The following LARGE1 variants were observed in gnomAD, a reference collection of about 807,000 sequenced individuals.
LARGE1 encodes the protein xylosyl- and glucuronyltransferase LARGE1.
LARGE1 carries 43 observed loss-of-function variants against 87.6 expected under a neutral mutation model. That is an observed-to-expected ratio of 0.49 (90% CI 0.38 to 0.63). The LOEUF (loss-of-function observed/expected upper bound fraction) is 0.63. LARGE1 is among the 30% of genes least tolerant of loss of function. The pLI, the probability that LARGE1 is intolerant of heterozygous loss-of-function variation, is 0.00. For missense variants in LARGE1, 802 were observed against 1,000.2 expected, an observed-to-expected ratio of 0.80 and a Z score of 2.67; for synonymous variants, 434 against 394.6, an observed-to-expected ratio of 1.10 and a Z score of -1.18.
chr22:33,135,280 A>T, the LARGE1 span, among the ~76,000 whole-genome samples: 472 of 152,266 alleles, frequency 3.1e-3, 15 homozygotes, highest in Admixed American at 0.027. Context: ...CACATTGTGC[A>T]AAGTTTCCCT....
At chr22:33,443,915 G>A (rs989163467) in intron 6 of LARGE1, among the ~76,000 whole-genome samples, 16 of 152,244 alleles carry the variant, frequency 1.1e-4, no homozygotes, top group African/African-American at 3.9e-4. Flanking sequence ...CCACGAGGCG[G>A]CAGAGCTGGC....
the LARGE1 span, among the ~76,000 whole-genome samples, chr22:33,100,349 C>CAAAA: frequency 9.2e-5 from 6 of 65,296 alleles, no homozygotes; most frequent in East Asian, 4.0e-4. Context: ...GACTCCATCT[C>CAAAA]AAAAAAAAAA....
At chr22:33,232,716 A>C (rs1158781624) in intron 11 of LARGE1, among the ~76,000 whole-genome samples, 1 of 152,170 alleles carries the variant, frequency 6.6e-6, no homozygotes, top group Non-Finnish European at 1.5e-5. Flanking sequence ...AGCAGTAAAG[A>C]GAAGAAAGCT....
chr22:33,787,001 A>AT (rs2085667076), intron 1 of LARGE1, among the ~76,000 whole-genome samples: 2 of 150,328 alleles, frequency 1.3e-5, no homozygotes, highest in Non-Finnish European at 3.0e-5. Context: ...AGCCTGGGTG[A>AT]CAGAGTGAGA....
chr22:33,557,067 G>A (rs1373047200), intron 6 of LARGE1, among the ~76,000 whole-genome samples: 1 of 152,172 alleles, frequency 6.6e-6, no homozygotes, highest in Non-Finnish European at 1.5e-5. Context: ...ATTAGGTATT[G>A]TGCAATACAG....
In LARGE1 at chr22:33,591,842, C is replaced by CAA. The variant is rs759357005; in HGVS notation, c.615+12591_615+12592dup. Among the ~76,000 whole-genome samples the CAA allele has an allele frequency of 2.4e-3, 240 of 102,052 alleles. 1 individual carries two copies. Among genetic ancestry groups the CAA allele is most frequent in the Non-Finnish European group, 4.0e-3 (198 of 49,308 alleles). The allele number at this position is 102,052 out of a possible 152,430, so 67.0% of individuals were successfully genotyped here. Reference sequence around the variant, plus strand: ...GGCAATATAGCAAGACCCGTCTCTCCAAAAAAAAAAAAAAAATTTTTTTTT... The same window carrying CAA: ...GGCAATATAGCAAGACCCGTCTCTCCAAAAAAAAAAAAAAAAAATTTTTTTTT... On this transcript the variant is annotated intron_variant, in intron 5 of 14. Transcript: ENST00000397394.
At chr22:33,915,614 C>G (rs922982821) in intron 1 of LARGE1, among the ~76,000 whole-genome samples, 2 of 152,012 alleles carry the variant, frequency 1.3e-5, no homozygotes, top group Admixed American at 6.6e-5. Flanking sequence ...AAATGCTGTA[C>G]GTAGAATGAT....
chr22:33,348,878 G>A (rs12484253), intron 9 of LARGE1, among the ~76,000 whole-genome samples: 51,197 of 151,782 alleles, frequency 0.34, 8,890 homozygotes, highest in African/African-American at 0.41. Context: ...AGGTAATTTA[G>A]TCATCGGGGT....
chr22:33,468,605 T>C (rs537703627), intron 6 of LARGE1, among the ~76,000 whole-genome samples: 1 of 152,326 alleles, frequency 6.6e-6, no homozygotes, highest in South Asian at 2.1e-4. Context: ...GAATATTTCC[T>C]AGGAACACAA....
intron 6 of LARGE1, among the ~76,000 whole-genome samples, chr22:33,560,543 T>C (rs1569270398): frequency 6.6e-6 from 1 of 152,088 alleles, no homozygotes; most frequent in Non-Finnish European, 1.5e-5. Flanking sequence ...AGATTATGGG[T>C]GTGTATTTAT....
rs905900345 is a variant in LARGE1 at position 33,337,672 on chromosome 22, T to G, written c.1261A>C (p.Ser421Arg). ...TTTTCACTGTTGACATCAGCCTCAC[T>G]GGGGCAGCCAAACAGTTCCCGCCTC... ...LLRRELFGCP[S>R]EADVNSENLQ... is the part of the protein sequence containing the mutation. Residue 421 changes from serine to arginine, a missense_variant, in exon 10 of 15, where the codon AGT becomes CGT. By Grantham distance (110) the Ser-to-Arg change is moderately radical. Transcript: ENST00000397394. The G allele has an allele frequency of 1.2e-6, 2 of 1,614,072 alleles. No individual in the cohort carries two copies. The highest frequency in any genetic ancestry group is 1.7e-6 in the Non-Finnish European group (2 of 1,180,006).
intron 1 of LARGE1, among the ~76,000 whole-genome samples, chr22:33,838,107 C>G (rs1347744340): frequency 6.6e-6 from 1 of 152,164 alleles, no homozygotes. Flanking sequence ...GAACAGTACT[C>G]TTGTTTTGAT....
intron 2 of LARGE1, chr22:33,723,945 C>T: frequency 6.6e-6 from 1 of 152,438 alleles, no homozygotes; most frequent in East Asian, 1.9e-4. Flanking sequence ...CCCACCAAAC[C>T]AATTCCCTGC....
chr22:33,537,031 A>G (rs888809980), intron 6 of LARGE1, among the ~76,000 whole-genome samples: 11 of 152,194 alleles, frequency 7.2e-5, no homozygotes, highest in Non-Finnish European at 1.6e-4. Flanking sequence ...GGCTGGTCTC[A>G]GACTCCTGAC....
In LARGE1 at chr22:33,224,215, G is replaced by A. The variant is rs185235288; in HGVS notation, c.1731-57383C>T. Among the ~76,000 whole-genome samples the A allele has an allele frequency of 2.0e-4, 31 of 152,072 alleles. No individual in the cohort carries two copies. In the East Asian group the frequency reaches 2.3e-3, roughly 11 times the overall value. ...TGGGAGGCAGAGCTTGCAGTGAGCC[G>A]AGATCGCGCCACTGCACTCCAGCCT... On this transcript the variant is annotated intron_variant, in intron 11 of 11. Coordinates refer to the LARGE1 transcript ENST00000608642.
At chr22:33,530,007 G>A (rs895443509) in intron 6 of LARGE1, among the ~76,000 whole-genome samples, 3 of 152,154 alleles carry the variant, frequency 2.0e-5, no homozygotes, top group Non-Finnish European at 4.4e-5. Flanking sequence ...AACCAGACAT[G>A]GTAATCCCCT....
the LARGE1 span, among the ~76,000 whole-genome samples, chr22:33,068,695 C>CACT: frequency 7.2e-5 from 11 of 152,264 alleles, no homozygotes; most frequent in East Asian, 2.1e-3. Flanking sequence ...TTCTGCAATG[C>CACT]ACTCCTCTGG....
At chr22:33,748,074 G>C (rs369662166) in intron 2 of LARGE1, among the ~76,000 whole-genome samples, 1 of 141,308 alleles carries the variant, frequency 7.1e-6, no homozygotes, top group African/African-American at 2.7e-5. Flanking sequence ...ATTATCTAAG[G>C]CTCCACCCCA....
intron 6 of LARGE1, among the ~76,000 whole-genome samples, chr22:33,480,435 T>G (rs568617761): frequency 2.6e-5 from 4 of 152,184 alleles, no homozygotes; most frequent in Non-Finnish European, 5.9e-5. Flanking sequence ...TCCTGCTCAT[T>G]TCTCTGGTTC....
Sources: gnomAD v4.1 joint callset for allele counts (sites outside exome capture counted in the v4.1 genomes callset) on GRCh38, gnomAD v4.1.1 for gene constraint, MANE v1.5 for transcripts, NCBI Gene and HGNC (gene_info 2026-07-23, HGNC 2026-07-21) for gene names.